TACC1: variants seen among roughly 807,000 people sequenced by gnomAD.
TACC1 encodes the protein transforming acidic coiled-coil-containing protein 1.
A neutral mutation model predicts 84.4 loss-of-function variants in TACC1; 48 were observed. The ratio of observed to expected loss-of-function variants is 0.57; its 90% CI spans 0.45 to 0.72. The LOEUF (loss-of-function observed/expected upper bound fraction) is 0.72, where lower values mean the gene tolerates loss of function less well. TACC1 is among the 30% of genes least tolerant of loss of function. The probability of loss-of-function intolerance (pLI) is 0.00; values close to 1 mark genes in which losing one functional copy is unlikely to be tolerated. For synonymous variants in TACC1, 372 were observed against 376.3 expected (o/e 0.99, Z 0.13); for missense variants, 920 against 973.0 (o/e 0.95, Z 0.72).
chr8:38,822,831 A>G (rs1278557271), intron 3 of TACC1, among the ~76,000 whole-genome samples: 2 of 152,166 alleles, frequency 1.3e-5, no homozygotes, highest in Admixed American at 6.5e-5. Context: ...ACTAGACAAT[A>G]GTTTTTCAGT....
At chr8:38,729,687 G>T (rs1040051862) in intron 1 of TACC1, among the ~76,000 whole-genome samples, 1 of 152,084 alleles carries the variant, frequency 6.6e-6, no homozygotes, top group Non-Finnish European at 1.5e-5. Context: ...TGGCCAATAT[G>T]GTGGAACCCT....
At chr8:38,769,430 G>A (rs2151873053) in intron 3 of TACC1, among the ~76,000 whole-genome samples, 1 of 133,958 alleles carries the variant, frequency 7.5e-6, no homozygotes, top group South Asian at 2.5e-4. Flanking sequence ...GTATGAGGTG[G>A]GGGGGTGTGG....
exon 3 of TACC1, chr8:38,745,183 C>T (rs112258810): frequency 0.025 from 8,084 of 321,504 alleles, 546 homozygotes; most frequent in African/African-American, 0.15. Context: ...CCCTGACCCA[C>T]ATACACACAA....
intron 3 of TACC1, among the ~76,000 whole-genome samples, chr8:38,771,740 CTTTA>C (rs1381978635): frequency 6.6e-6 from 1 of 152,110 alleles, no homozygotes; most frequent in Non-Finnish European, 1.5e-5. Context: ...TATTTATTTG[CTTTA>C]TTTATGTTTG....
chr8:38,820,370 CCT>C lies in TACC1; in HGVS notation c.1132_1133del (p.Ser378ProfsTer9), dbSNP rs762518012. On this transcript the variant is annotated frameshift_variant, in exon 3 of 13. Transcript: ENST00000317827. LOFTEE classifies it high-confidence loss of function. ...TACAGACCCAGTGGCACGAGACGGG[CCT>C]CTCTCCCAAACATCTTCCAAGCCAG... is the stretch of plus-strand genomic sequence containing the variant. ...QPTDPVARDG[P>X]LSQTSSKPDP... The C allele has an allele frequency of 1.9e-6, 3 of 1,614,114 alleles. No homozygotes were observed. Among genetic ancestry groups the C allele is most frequent in the Admixed American group, 1.7e-5 (1 of 60,020 alleles).
At chr8:38,765,845 T>C (rs556293405) in intron 3 of TACC1, among the ~76,000 whole-genome samples, 3 of 152,102 alleles carry the variant, frequency 2.0e-5, no homozygotes, top group East Asian at 1.9e-4. Context: ...TGAAAAAAAA[T>C]AGGACATCTA....
intron 1 of TACC1, among the ~76,000 whole-genome samples, chr8:38,730,906 T>C (rs1804802009): frequency 6.6e-6 from 1 of 151,692 alleles, no homozygotes; most frequent in Non-Finnish European, 1.5e-5. Context: ...CTCTGAGAGG[T>C]GGTATAGTTT....
chr8:38,812,516 C>T (rs896614790), intron 2 of TACC1, among the ~76,000 whole-genome samples: 1 of 152,288 alleles, frequency 6.6e-6, no homozygotes, highest in African/African-American at 2.4e-5. Context: ...CCCAATACTT[C>T]CTATTCATTA....
At chr8:38,788,907 G>T (rs1411090648) in intron 2 of TACC1, 88 bp downstream of exon 2, 1 of 1,091,900 alleles carries the variant, frequency 9.2e-7, no homozygotes, top group African/African-American at 1.6e-5. Context: ...TGTAAATTTA[G>T]GACCATTTAA....
intron 3 of TACC1, among the ~76,000 whole-genome samples, chr8:38,755,127 T>A (rs1206965589): frequency 7.9e-6 from 1 of 127,014 alleles, no homozygotes; most frequent in African/African-American, 3.1e-5. Context: ...GCCACTGCAC[T>A]CCAGCCTGGG....
At chr8:38,844,216 A>G (rs1339038596) in intron 11 of TACC1, among the ~76,000 whole-genome samples, 1 of 152,142 alleles carries the variant, frequency 6.6e-6, no homozygotes, top group African/African-American at 2.4e-5. Context: ...TCTGTCACCC[A>G]GGCTGGAGTG....
At position 38,846,811 on chromosome 8, in the gene TACC1, C is replaced by CAG; in HGVS notation, c.2342_2343dup (p.Gln782SerfsTer10). ...GGTGGAGTCCCTGGAAAGGGCCCTG[C>CAG]AGCAGAAGGTACAGAAAGGGACCTG... On this transcript the variant is annotated frameshift_variant, in exon 12 of 13. Coordinates refer to ENST00000317827, the MANE Select transcript of TACC1 (RefSeq NM_006283.3). LOFTEE classifies it high-confidence loss of function. 1 of 1,614,140 alleles carries CAG rather than the reference C, an allele frequency of 6.2e-7. No individual in the cohort carries two copies. The highest frequency in any genetic ancestry group is 8.5e-7 in the Non-Finnish European group (1 of 1,179,992).
chr8:38,753,332 G>A lies in TACC1; in HGVS notation c.26+7839G>A, dbSNP rs142322157. Among the ~76,000 whole-genome samples the A allele has an allele frequency of 4.3e-4, 66 of 152,148 alleles. No homozygotes were observed. In the East Asian group the frequency reaches 0.012, roughly 28 times the overall value. ...TTGCCCAGGCTGGTCTCAAACTTCT[G>A]GGCTCAAGAGATCCTCCCCTCTTGG... is the stretch of plus-strand genomic sequence containing the variant. On this transcript the variant is annotated intron_variant, in intron 3 of 14. Coordinates refer to the TACC1 transcript ENST00000518415.
At chr8:38,840,462 G>A in intron 9 of TACC1, 195 bp downstream of exon 9, 1 of 473,644 alleles carries the variant, frequency 2.1e-6, no homozygotes, top group Non-Finnish European at 3.8e-6. Context: ...GAAGGGGCTG[G>A]CTAGCTCTCT....
At chr8:38,769,122 GGTGT>G (rs1812893273) in intron 3 of TACC1, among the ~76,000 whole-genome samples, 1 of 146,954 alleles carries the variant, frequency 6.8e-6, no homozygotes, top group South Asian at 2.2e-4. Context: ...TATGGGTGGG[GGTGT>G]GTGTGGTATA....
chr8:38,806,970 A>G (rs1822910328), intron 2 of TACC1, among the ~76,000 whole-genome samples: 1 of 152,156 alleles, frequency 6.6e-6, no homozygotes, highest in African/African-American at 2.4e-5. Context: ...ACCCTCGCCC[A>G]GGTTTGATAA....
At chr8:38,745,378 A>G (rs1807869031) in exon 3 of TACC1, 1 of 614,780 alleles carries the variant, frequency 1.6e-6, no homozygotes, top group Admixed American at 2.9e-5. Flanking sequence ...CATCATATCC[A>G]AGATTGAAAC....
At chr8:38,808,842 C>CT (rs1246778141) in intron 2 of TACC1, among the ~76,000 whole-genome samples, 2 of 151,480 alleles carry the variant, frequency 1.3e-5, no homozygotes, top group Non-Finnish European at 2.9e-5. Flanking sequence ...TTGTTTTTCT[C>CT]TTTTTTTTTA....
At position 38,836,161 on chromosome 8, in the gene TACC1, G is replaced by A; in HGVS notation, c.1714-1G>A. The A allele has an allele frequency of 6.2e-7, 1 of 1,613,164 alleles. No homozygotes were observed. The highest frequency in any genetic ancestry group is 1.3e-5 in the African/African-American group (1 of 75,048). On this transcript the variant is annotated splice_acceptor_variant, in intron 6 of 12. Coordinates refer to ENST00000317827, the MANE Select transcript of TACC1 (RefSeq NM_006283.3). LOFTEE classifies it high-confidence loss of function. Reference sequence around the variant, plus strand: ...ATTCAGTGTAATCCCTTTCCCCACAGGGGCTGCTGGAGTCCTCTGCAGAGA... The same window carrying A: ...ATTCAGTGTAATCCCTTTCCCCACAAGGGCTGCTGGAGTCCTCTGCAGAGA...
Sources: gnomAD v4.1 joint callset for allele counts (sites outside exome capture counted in the v4.1 genomes callset) on GRCh38, gnomAD v4.1.1 for gene constraint, MANE v1.5 for transcripts, NCBI Gene and HGNC (gene_info 2026-07-23, HGNC 2026-07-21) for gene names.